The following SLC43A2 variants were observed in gnomAD, a reference collection of about 807,000 sequenced individuals.
SLC43A2 encodes large neutral amino acids transporter small subunit 4.
A neutral mutation model predicts 63.2 loss-of-function variants in SLC43A2; 38 were observed. The ratio of observed to expected loss-of-function variants is 0.60; its 90% CI spans 0.46 to 0.79. The LOEUF (loss-of-function observed/expected upper bound fraction) is 0.79, where lower values mean the gene tolerates loss of function less well. Among genes scored for constraint, SLC43A2 ranks in the 30% least tolerant of loss-of-function variants. The pLI, the probability that SLC43A2 is intolerant of heterozygous loss-of-function variation, is 0.00. For synonymous variants in SLC43A2, 322 were observed against 331.0 expected (o/e 0.97, Z 0.30); for missense variants, 644 against 756.2 (o/e 0.85, Z 1.74).
At chr17:1,615,194 G>A (rs1365281845) in intron 3 of SLC43A2, among the ~76,000 whole-genome samples, 160 bp from the exon 4 acceptor site, 9 of 152,018 alleles carry the variant, frequency 5.9e-5, no homozygotes, top group African/African-American at 2.2e-4. Flanking sequence ...TGCAACCTCC[G>A]CCTCCCAGGT....
intron 5 of SLC43A2, among the ~76,000 whole-genome samples, chr17:1,611,780 CT>C (rs574237035): frequency 1.5e-4 from 23 of 152,060 alleles, no homozygotes; most frequent in Non-Finnish European, 3.2e-4. Flanking sequence ...GTCTTAGAAA[CT>C]TTTTCACCGG....
chr17:1,613,395 T>C, intron 4 of SLC43A2, 124 bp from the exon 5 acceptor site: 1 of 761,882 alleles, frequency 1.3e-6, no homozygotes, highest in South Asian at 1.6e-5. Flanking sequence ...CCGGGGTTAG[T>C]ACCTGACATC....
chr17:1,618,018 C>T (rs1056745422), intron 2 of SLC43A2, among the ~76,000 whole-genome samples: 7 of 152,212 alleles, frequency 4.6e-5, no homozygotes, highest in African/African-American at 1.2e-4. Context: ...GTCAAGGAAA[C>T]GCTCTTCTTC....
At chr17:1,591,055 G>A in intron 8 of SLC43A2, 107 bp from the exon 9 acceptor site, 1 of 1,343,520 alleles carries the variant, frequency 7.4e-7, no homozygotes, top group Non-Finnish European at 1.0e-6. Flanking sequence ...CCTCGGGACG[G>A]GCCTGGTGAG....
At chr17:1,575,843 G>A in intron 13 of SLC43A2, 78 bp from the exon 14 acceptor site, 2 of 1,478,326 alleles carry the variant, frequency 1.4e-6, no homozygotes, top group Non-Finnish European at 1.8e-6. Flanking sequence ...ACTCGGGTTT[G>A]GGAAAGGGGA....
At position 1,608,454 on chromosome 17, in the gene SLC43A2, T is replaced by C. The variant is rs571245047; in HGVS notation, c.501+4741A>G. 5.8e-4 allele frequency among the ~76,000 whole-genome samples: 88 copies of C among 151,748 alleles called. No homozygotes were observed. In the East Asian group the frequency reaches 6.0e-3, roughly 10 times the overall value. ...TGCCACCCAGGCTGGAGTGCAGTGG[T>C]GCGATCTCAGCTCACTGCAACCTCC... On this transcript the variant is annotated intron_variant, in intron 5 of 13. Coordinates refer to ENST00000301335, the MANE Select transcript of SLC43A2 (RefSeq NM_152346.3).
At chr17:1,615,462 TA>T (rs1907508698) in intron 3 of SLC43A2, among the ~76,000 whole-genome samples, 1 of 148,918 alleles carries the variant, frequency 6.7e-6, no homozygotes, top group Non-Finnish European at 1.5e-5. Flanking sequence ...AAGAATGGCA[TA>T]GGGGGCCGGG....
chr17:1,608,107 A>G (rs975062590), intron 5 of SLC43A2, among the ~76,000 whole-genome samples: 11 of 152,206 alleles, frequency 7.2e-5, no homozygotes, highest in Non-Finnish European at 1.3e-4. Context: ...AGCCACAGAC[A>G]GGAGCAAACA....
intron 9 of SLC43A2, among the ~76,000 whole-genome samples, chr17:1,589,988 G>A (rs1904595066): frequency 6.6e-6 from 1 of 152,164 alleles, no homozygotes; most frequent in African/African-American, 2.4e-5. Flanking sequence ...TTTTGATAAA[G>A]CTGGATTTCT....
chr17:1,578,343 C>T lies in SLC43A2; in HGVS notation c.1351-20G>A. On this transcript the variant is annotated intron_variant, in intron 11 of 13. Transcript: ENST00000301335. The surrounding 1 kb of genome is among the most constrained non-coding windows in gnomAD (Gnocchi z 6.5). Reference sequence around the variant, plus strand: ...GAGGATCTGGGGGAGGAAAAGGCGACTGTGGGCATAAGGCCTTAAGGGACC... The same window carrying T: ...GAGGATCTGGGGGAGGAAAAGGCGATTGTGGGCATAAGGCCTTAAGGGACC... 5 of 1,613,148 alleles carry T rather than the reference C, an allele frequency of 3.1e-6. No homozygotes were observed. The highest frequency in any genetic ancestry group is 4.2e-6 in the Non-Finnish European group (5 of 1,179,646).
intron 11 of SLC43A2, among the ~76,000 whole-genome samples, chr17:1,579,908 C>G (rs901051158): frequency 1.3e-5 from 2 of 151,588 alleles, no homozygotes; most frequent in Non-Finnish European, 2.9e-5. Context: ...ACTTGGTTCA[C>G]TAGAGCCTGT....
intron 2 of SLC43A2, among the ~76,000 whole-genome samples, chr17:1,625,568 C>T (rs574945163): frequency 6.2e-4 from 94 of 152,286 alleles, no homozygotes; most frequent in African/African-American, 1.9e-3. Flanking sequence ...ACCCTAACTT[C>T]GCCAGGCACT....
intron 10 of SLC43A2, among the ~76,000 whole-genome samples, chr17:1,584,707 A>C (rs4790650): frequency 0.9 from 136,381 of 151,578 alleles, 62,398 homozygotes; most frequent in Non-Finnish European, 0.99. Flanking sequence ...GTAGTCCCAG[A>C]TACTTGGAAG....
At chr17:1,615,622 T>G (rs1907535328) in intron 3 of SLC43A2, among the ~76,000 whole-genome samples, 1 of 148,786 alleles carries the variant, frequency 6.7e-6, no homozygotes, top group East Asian at 2.0e-4. Flanking sequence ...GGCGGGCAGA[T>G]CACAAGGTCA....
rs992935788 is a variant in SLC43A2, at chr17:1,606,201, C to T, written c.501+6994G>A. 3.3e-5 allele frequency among the ~76,000 whole-genome samples: 5 copies of T among 152,136 alleles called. No homozygotes were observed. Among genetic ancestry groups the T allele is most frequent in the African/African-American group, 4.8e-5 (2 of 41,430 alleles). ...CCCTCCAGAGCTGGCCGGGGGCCAC[C>T]GTGGGACCCTCTCCTGGCTGCAGAC... On this transcript the variant is annotated intron_variant, in intron 5 of 13. Transcript: ENST00000301335. The surrounding 1 kb of genome is among the most constrained non-coding windows in gnomAD (Gnocchi z 4.7).
intron 5 of SLC43A2, among the ~76,000 whole-genome samples, chr17:1,597,684 A>C (rs943481923): frequency 3.3e-5 from 5 of 152,000 alleles, no homozygotes; most frequent in South Asian, 2.1e-4. Flanking sequence ...CTGTAATCCC[A>C]GCTACTCAGG....
At chr17:1,595,016 C>A (rs939493159) in intron 5 of SLC43A2, among the ~76,000 whole-genome samples, 5 of 151,914 alleles carry the variant, frequency 3.3e-5, no homozygotes, top group African/African-American at 1.2e-4. Flanking sequence ...GCCTCTGTAT[C>A]TTTTTAAAGT....
intron 2 of SLC43A2, among the ~76,000 whole-genome samples, 162 bp downstream of exon 2, chr17:1,627,553 A>G (rs997274125): frequency 3.3e-5 from 5 of 152,126 alleles, no homozygotes; most frequent in Admixed American, 2.0e-4. Context: ...AGGGGCAATG[A>G]CAAGTACCCG....
chr17:1,623,861 T>C (rs949438453), intron 2 of SLC43A2, among the ~76,000 whole-genome samples: 2 of 145,426 alleles, frequency 1.4e-5, no homozygotes, highest in African/African-American at 2.6e-5. Flanking sequence ...TCCTCCAGGG[T>C]GTACCCTCCT....
Sources: gnomAD v4.1 joint callset for allele counts (sites outside exome capture counted in the v4.1 genomes callset) on GRCh38, gnomAD v4.1.1 for gene constraint, Gnocchi (gnomAD v3.1) non-coding constraint, MANE v1.5 for transcripts, NCBI Gene and HGNC (gene_info 2026-07-23, HGNC 2026-07-21) for gene names.